Variants in RITA1 observed in about 807,000 individuals in gnomAD.
The protein encoded by RITA1 is RBPJ interacting and tubulin associated 1, also known as RBPJ-interacting and tubulin-associated protein 1.
A neutral mutation model predicts 8.7 loss-of-function variants in RITA1; 15 were observed. The observed-to-expected ratio is 1.72, with a 90% confidence interval of 1.15 to 2.65. The LOEUF (loss-of-function observed/expected upper bound fraction) is 2.65. Among genes scored for constraint, RITA1 ranks in the 30% most tolerant of loss-of-function variants. The probability of loss-of-function intolerance (pLI) is 0.00; values close to 1 mark genes in which losing one functional copy is unlikely to be tolerated. For synonymous variants in RITA1, 145 were observed against 156.2 expected (o/e 0.93, Z 0.53); for missense variants, 330 against 363.8 (o/e 0.91, Z 0.76).
At chr12:113,190,193 A>G (rs1421121582) in intron 3 of RITA1, among the ~76,000 whole-genome samples, 2 of 151,726 alleles carry the variant, frequency 1.3e-5, no homozygotes, top group Non-Finnish European at 2.9e-5. Context: ...TTAGCTGGGC[A>G]TGGTAGCACA....
chr12:113,188,623 A>T (rs1485541208), intron 3 of RITA1, among the ~76,000 whole-genome samples: 1 of 151,742 alleles, frequency 6.6e-6, no homozygotes. Flanking sequence ...ACGTTCTCAC[A>T]GTGTCATCAT....
rs1952611753 is a variant in RITA1 at position 113,191,923 on chromosome 12, C to T, written c.*106C>T. 4 of 1,398,116 alleles carry T rather than the reference C, an allele frequency of 2.9e-6. No individual in the cohort carries two copies. Among genetic ancestry groups the T allele is most frequent in the South Asian group, 1.4e-5 (1 of 70,948 alleles). 86.6% of individuals were successfully genotyped at this position (1,398,116 alleles called of 1,614,324 possible). On this transcript the variant is annotated 3_prime_UTR_variant, in exon 4 of 4. Coordinates refer to ENST00000548278, the MANE Select transcript of RITA1 (RefSeq NM_032848.3). This position sits in a 1 kb window ranked among gnomAD's most constrained non-coding sequence, Gnocchi z 4.0. ...GGGAACCCCAGGTATTAAAGAAGCC[C>T]CTGTGGGGGCAGACAGACATAGCAG...
At position 113,185,778 on chromosome 12, in the gene RITA1, G is replaced by T. The variant is rs1952528499; in HGVS notation, c.-440G>T. ...CAAAGTGCTGGGTTCTGGGTTTCTG[G>T]ATTCGCGGGCCGTTCACACGTAGCC... On this transcript the variant is annotated 5_prime_UTR_variant, in exon 1 of 4. Coordinates refer to ENST00000548278, the MANE Select transcript of RITA1 (RefSeq NM_032848.3). The T allele has an allele frequency of 3.3e-6, 2 of 611,864 alleles. No homozygotes were observed. The highest frequency in any genetic ancestry group is 5.7e-6 in the Non-Finnish European group (2 of 352,514). 37.9% of individuals were successfully genotyped at this position (611,864 alleles called of 1,614,324 possible).
chr12:113,186,708 G>A lies in RITA1; in HGVS notation c.-39G>A, dbSNP rs1396181578. The A allele has an allele frequency of 7.5e-6, 12 of 1,602,236 alleles. No homozygotes were observed. The highest frequency in any genetic ancestry group is 2.2e-5 in the South Asian group (2 of 90,646). ...GGAGCCTCGGAAGCAGGGCCTGGCC[G>A]GCAGAGCACACCTGCTGTCACCAGG... On this transcript the variant is annotated 5_prime_UTR_variant, in exon 3 of 4. Transcript: ENST00000548278.
chr12:113,185,819 G>A lies in RITA1; in HGVS notation c.-399G>A. 3 of 694,660 alleles carry A rather than the reference G, an allele frequency of 4.3e-6. No homozygotes were observed. 43.0% of individuals were successfully genotyped at this position (694,660 alleles called of 1,614,324 possible). A position where few individuals can be genotyped will look rare whatever the true frequency, so the allele number is the denominator to read the frequency against. ...ACACGTAGCCTGTGCCGGCTCCTCG[G>A]GTGAGTCCGTCCGCGCGCGGTGCCC... On this transcript the variant is annotated 5_prime_UTR_variant, in exon 1 of 4. Coordinates refer to ENST00000548278, the MANE Select transcript of RITA1 (RefSeq NM_032848.3).
chr12:113,190,009 CA>C (rs1299576847), intron 3 of RITA1, among the ~76,000 whole-genome samples: 1 of 142,540 alleles, frequency 7.0e-6, no homozygotes, highest in Non-Finnish European at 1.5e-5. Flanking sequence ...GCCTGGGTGA[CA>C]GAGTGAGACC....
At position 113,185,922 on chromosome 12, in the gene RITA1, G is replaced by C; in HGVS notation, c.-296G>C. ...GATTGACGGGGATCCCGGATGCACC[G>C]CGCGCCCCCGCGCCCTCACCGACGG... On this transcript the variant is annotated 5_prime_UTR_variant, in exon 1 of 4. Transcript: ENST00000548278. 1 of 1,496,034 alleles carries C rather than the reference G, an allele frequency of 6.7e-7. No individual in the cohort carries two copies. The highest frequency in any genetic ancestry group is 2.5e-5 in the East Asian group (1 of 40,096). 92.7% of individuals were successfully genotyped at this position (1,496,034 alleles called of 1,614,324 possible).
In RITA1 at chr12:113,191,673, G is replaced by A; in HGVS notation, c.666G>A (p.Gly222=). 6.2e-7 allele frequency: 1 copy of A among 1,614,122 alleles called. No individual in the cohort carries two copies. The highest frequency in any genetic ancestry group is 8.5e-7 in the Non-Finnish European group (1 of 1,180,012). Residue 222 remains glycine (G), a synonymous_variant, in exon 4 of 4, where the codon GGG becomes GGA. Transcript: ENST00000548278. This position sits in a 1 kb window ranked among gnomAD's most constrained non-coding sequence, Gnocchi z 4.0. ...CCACCAGTGCCCCCCACACAAATGG[G>A]CCTCAGGATCTCAGGCCTTCCACGT... ...HPATSAPHTN[G]PQDLRPSTSG...
Position 113,186,169 on chromosome 12 carries a change from A to T in RITA1, c.-196-16A>T. The T allele has an allele frequency of 1.4e-6, 2 of 1,392,278 alleles. No individual in the cohort carries two copies. Among genetic ancestry groups the T allele is most frequent in the Non-Finnish European group, 1.9e-6 (2 of 1,028,168 alleles). The allele number at this position is 1,392,278 out of a possible 1,614,324, so 86.2% of individuals were successfully genotyped here. A position where few individuals can be genotyped will look rare whatever the true frequency, so the allele number is the denominator to read the frequency against. ...TACACAAGCTCTGGACTCAGATTTCACTTCCACCGTTTTAGCTTTATAGGT... is the reference window on the plus strand; with the variant it reads ...TACACAAGCTCTGGACTCAGATTTCTCTTCCACCGTTTTAGCTTTATAGGT... On this transcript the variant is annotated splice_polypyrimidine_tract_variant and intron_variant, in intron 1 of 3. Coordinates refer to ENST00000548278, the MANE Select transcript of RITA1 (RefSeq NM_032848.3).
chr12:113,188,207 C>G (rs1047706284), intron 3 of RITA1, among the ~76,000 whole-genome samples: 1 of 150,958 alleles, frequency 6.6e-6, no homozygotes, highest in African/African-American at 2.4e-5. Context: ...TGCCACCATG[C>G]CTGACTTAAT....
chr12:113,188,068 A>G (rs553296230), intron 3 of RITA1, among the ~76,000 whole-genome samples: 15 of 151,098 alleles, frequency 9.9e-5, no homozygotes, highest in Admixed American at 7.9e-4. Flanking sequence ...TTTTTTTTTG[A>G]GATGGAGTCT....
chr12:113,187,757 C>CAAAAAAA (rs34828582), intron 3 of RITA1, among the ~76,000 whole-genome samples: 4 of 108,464 alleles, frequency 3.7e-5, no homozygotes, highest in Non-Finnish European at 7.0e-5. Flanking sequence ...ACCCTGTCTC[C>CAAAAAAA]AAAAAAAAAA....
In RITA1 at chr12:113,191,278, C is replaced by T; in HGVS notation, c.303-32C>T. 1.3e-6 allele frequency: 2 copies of T among 1,499,082 alleles called. No individual in the cohort carries two copies. Among genetic ancestry groups the T allele is most frequent in the Middle Eastern group, 3.6e-4 (2 of 5,526 alleles). 92.9% of individuals were successfully genotyped at this position (1,499,082 alleles called of 1,614,324 possible). On this transcript the variant is annotated intron_variant, in intron 3 of 3. Transcript: ENST00000548278. This position sits in a 1 kb window ranked among gnomAD's most constrained non-coding sequence, Gnocchi z 4.0. ...AAAGTTTTGAGGGGTTGTTCATCCC[C>T]CAGCTCATGGCGTTTATCTTCCATT...
chr12:113,190,607 C>T (rs774857675), intron 3 of RITA1, among the ~76,000 whole-genome samples: 20 of 152,162 alleles, frequency 1.3e-4, no homozygotes, highest in Non-Finnish European at 2.5e-4. Context: ...TGTGACTGTG[C>T]CACTACACTC....
chr12:113,186,967 T>C lies in RITA1; in HGVS notation c.221T>C (p.Leu74Ser). The C allele has an allele frequency of 6.2e-7, 1 of 1,613,706 alleles. No individual in the cohort carries two copies. Among genetic ancestry groups the C allele is most frequent in the Non-Finnish European group, 8.5e-7 (1 of 1,179,874 alleles). The change falls in exon 3 of 4, where the codon TTG becomes TCG. Residue 74 changes from leucine (L) to serine (S), a missense_variant. Leu to Ser is a moderately radical substitution (Grantham distance 145). Coordinates refer to ENST00000548278, the MANE Select transcript of RITA1 (RefSeq NM_032848.3). Reference sequence around the variant, plus strand: ...GTGGGCAAGGAGGCATCGAAGGCCTTGGGGGCAAAGGGGAGCTGTGAGACC... The same window carrying C: ...GTGGGCAAGGAGGCATCGAAGGCCTCGGGGGCAAAGGGGAGCTGTGAGACC... ...RGVGKEASKALGAKGSCETTP... is the reference protein window; with the variant it reads ...RGVGKEASKASGAKGSCETTP...
intron 2 of RITA1, 88 bp downstream of exon 2, chr12:113,186,404 T>C: frequency 1.5e-6 from 2 of 1,365,286 alleles, no homozygotes; most frequent in Non-Finnish European, 1.9e-6. Flanking sequence ...CACCATAGTG[T>C]GTTTTCTGGT....
At chr12:113,190,044 A>AGAAAGAAAG (rs1218541642) in intron 3 of RITA1, among the ~76,000 whole-genome samples, 2 of 148,894 alleles carry the variant, frequency 1.3e-5, no homozygotes, top group East Asian at 2.0e-4. Context: ...AAAAAAAAAA[A>AGAAAGAAAG]AAAGGCCGGG....
chr12:113,191,545 T>TC lies in RITA1; in HGVS notation c.541dup (p.Gln181ProfsTer68), dbSNP rs766964653. On this transcript the variant is annotated frameshift_variant, in exon 4 of 4. Transcript: ENST00000548278. LOFTEE classifies it low-confidence loss of function (END_TRUNC). This position sits in a 1 kb window ranked among gnomAD's most constrained non-coding sequence, Gnocchi z 4.0. ...GACAGAGCCGGGGCCAGCGGCAGACTCCCAGAAGTTATCTATGGGTGGGTT... is the reference window on the plus strand; with the variant it reads ...GACAGAGCCGGGGCCAGCGGCAGACTCCCCAGAAGTTATCTATGGGTGGGTT... 6 of 1,613,794 alleles carry TC rather than the reference T, an allele frequency of 3.7e-6. No homozygotes were observed. Among genetic ancestry groups the TC allele is most frequent in the Admixed American group, 3.3e-5 (2 of 59,994 alleles).
chr12:113,192,139 A>C lies in RITA1; in HGVS notation c.*322A>C. 1 of 293,360 alleles carries C rather than the reference A, an allele frequency of 3.4e-6. No homozygotes were observed. The highest frequency in any genetic ancestry group is 6.4e-6 in the Non-Finnish European group (1 of 157,450). 18.2% of individuals were successfully genotyped at this position (293,360 alleles called of 1,614,324 possible). ...ATTGTCTTGCTGCCAAGTGCGAATAAACGGCGTGATTGCCAACCTGGAGGG... is the reference window on the plus strand; with the variant it reads ...ATTGTCTTGCTGCCAAGTGCGAATACACGGCGTGATTGCCAACCTGGAGGG... On this transcript the variant is annotated 3_prime_UTR_variant, in exon 4 of 4. Transcript: ENST00000548278.
Sources: gnomAD v4.1 joint callset for allele counts (sites outside exome capture counted in the v4.1 genomes callset) on GRCh38, gnomAD v4.1.1 for gene constraint, Gnocchi (gnomAD v3.1) non-coding constraint, MANE v1.5 for transcripts, NCBI Gene and HGNC (gene_info 2026-07-23, HGNC 2026-07-21) for gene names.